Variants in THSD7B observed in about 807,000 individuals in gnomAD.
THSD7B encodes the protein thrombospondin type-1 domain-containing protein 7B.
Under a neutral mutation model 213.6 loss-of-function variants are expected in THSD7B, and 138 were observed. The ratio of observed to expected loss-of-function variants is 0.65; its 90% CI spans 0.56 to 0.74. The LOEUF is 0.74. Among genes scored for constraint, THSD7B ranks in the 30% least tolerant of loss-of-function variants. THSD7B has a pLI of 0.00. For synonymous variants in THSD7B, 742 were observed against 687.0 expected (o/e 1.08, Z -1.25); for missense variants, 1,931 against 1,991.5 (o/e 0.97, Z 0.58).
At chr2:137,637,648 A>G (rs550184799) in intron 20 of THSD7B, among the ~76,000 whole-genome samples, 2 of 152,000 alleles carry the variant, frequency 1.3e-5, no homozygotes, top group African/African-American at 4.8e-5. Flanking sequence ...ATTATTTTAA[A>G]AGTAATAGCA....
At chr2:136,930,566 G>A (rs1684610414) in intron 2 of THSD7B, among the ~76,000 whole-genome samples, 1 of 152,168 alleles carries the variant, frequency 6.6e-6, no homozygotes, top group African/African-American at 2.4e-5. Flanking sequence ...AGATGAATCT[G>A]AAAGTGGTAC....
At chr2:137,255,460 G>A (rs1682285222) in intron 10 of THSD7B, among the ~76,000 whole-genome samples, 1 of 152,018 alleles carries the variant, frequency 6.6e-6, no homozygotes, top group African/African-American at 2.4e-5. Context: ...AGAGAGTCAA[G>A]GCACAAGAAC....
chr2:137,361,947 T>A (rs890056625), intron 12 of THSD7B, among the ~76,000 whole-genome samples: 3 of 151,798 alleles, frequency 2.0e-5, no homozygotes, highest in Admixed American at 6.6e-5. Context: ...TCACCAAGGT[T>A]GAAATGAAGG....
chr2:137,262,930 A>C (rs1197475780), intron 10 of THSD7B, among the ~76,000 whole-genome samples: 1 of 152,140 alleles, frequency 6.6e-6, no homozygotes, highest in African/African-American at 2.4e-5. Flanking sequence ...ACACAATGAG[A>C]TCAGCTATGG....
chr2:137,385,837 G>A (rs188716799), intron 12 of THSD7B, among the ~76,000 whole-genome samples: 192 of 152,280 alleles, frequency 1.3e-3, no homozygotes, highest in African/African-American at 4.1e-3. Flanking sequence ...CATTATGAAG[G>A]TGTATTTGTG....
intron 15 of THSD7B, among the ~76,000 whole-genome samples, chr2:137,532,715 G>A (rs1336734750): frequency 6.6e-6 from 1 of 151,540 alleles, no homozygotes; most frequent in African/African-American, 2.4e-5. Flanking sequence ...TTCTTTCTCT[G>A]TTGTAATCTG....
In THSD7B at chr2:137,129,284, C is replaced by G. The variant is rs897273212; in HGVS notation, c.1369+13991C>G. Among the ~76,000 whole-genome samples the G allele has an allele frequency of 2.0e-5, 3 of 152,154 alleles. No homozygotes were observed. The East Asian group carries it at 5.8e-4, about 29-fold the overall frequency. Reference sequence around the variant, plus strand: ...CTTATTAAGACTTTTCTCTAGATTTCTTTTTTCTCATTAGTAGAGGGGTAA... The same window carrying G: ...CTTATTAAGACTTTTCTCTAGATTTGTTTTTTCTCATTAGTAGAGGGGTAA... On this transcript the variant is annotated intron_variant, in intron 5 of 27. Transcript: ENST00000409968.
chr2:137,173,764 G>C (rs1344396627), intron 7 of THSD7B, among the ~76,000 whole-genome samples: 1 of 152,134 alleles, frequency 6.6e-6, no homozygotes, highest in East Asian at 1.9e-4. Flanking sequence ...CACTTTTTGT[G>C]GTTCAGCTTC....
intron 1 of THSD7B, among the ~76,000 whole-genome samples, chr2:136,781,431 AT>A (rs1011794347): frequency 4.2e-4 from 59 of 140,710 alleles, no homozygotes; most frequent in South Asian, 1.2e-3. Flanking sequence ...TGCCCGGCTA[AT>A]TTTTTTTTTT....
chr2:137,209,395 T>G (rs1322616238), intron 7 of THSD7B, among the ~76,000 whole-genome samples: 6 of 152,090 alleles, frequency 3.9e-5, no homozygotes. Context: ...GACAAATAAA[T>G]GTATTAATAA....
In THSD7B at chr2:137,676,872, A is replaced by C. The variant is rs2104836390; in HGVS notation, c.*267A>C. ...TGAAAACCCTTCTCTTCCTGTTTGGAACTGGGAGGAAGAAAACATGATGGA... is the reference window on the plus strand; with the variant it reads ...TGAAAACCCTTCTCTTCCTGTTTGGCACTGGGAGGAAGAAAACATGATGGA... On this transcript the variant is annotated 3_prime_UTR_variant, in exon 28 of 28. Transcript: ENST00000409968. 1 of 297,910 alleles carries C rather than the reference A, an allele frequency of 3.4e-6. No homozygotes were observed. The highest frequency in any genetic ancestry group is 6.1e-6 in the Non-Finnish European group (1 of 163,428). 18.5% of individuals were successfully genotyped at this position (297,910 alleles called of 1,614,324 possible).
intron 15 of THSD7B, 75 bp from the exon 16 acceptor site, chr2:137,563,146 A>T (rs1681157052): frequency 6.7e-7 from 1 of 1,500,960 alleles, no homozygotes; most frequent in Admixed American, 1.9e-5. Context: ...TTCAGCAAGC[A>T]TTACTAAAAG....
At chr2:137,572,887 A>C (rs1035366252) in intron 17 of THSD7B, among the ~76,000 whole-genome samples, 11 of 152,038 alleles carry the variant, frequency 7.2e-5, no homozygotes, top group African/African-American at 2.7e-4. Flanking sequence ...CTTATAATAT[A>C]TCTTGGTCCT....
rs565470716 is a variant in THSD7B at position 137,418,792 on chromosome 2, CCTT to C, written c.2959+6923_2959+6925del. Among the ~76,000 whole-genome samples the C allele has an allele frequency of 5.5e-4, 83 of 152,220 alleles. 1 individual carries two copies. The highest frequency in any genetic ancestry group is 2.5e-3 in the South Asian group (12 of 4,828). ...ATAAGTGAGGACATGTGATATTTGT[CCTT>C]CTATGCTTGGCTAATTTCACTCAAC... On this transcript the variant is annotated intron_variant, in intron 14 of 27. Coordinates refer to ENST00000409968, the MANE Select transcript of THSD7B (RefSeq NM_001316349.2).
At chr2:137,267,503 C>A (rs907316639) in intron 10 of THSD7B, among the ~76,000 whole-genome samples, 3 of 151,688 alleles carry the variant, frequency 2.0e-5, no homozygotes, top group African/African-American at 4.8e-5. Context: ...TACCTCCCCC[C>A]CAAATCCCCC....
chr2:137,587,004 G>A (rs1041992246), intron 17 of THSD7B, among the ~76,000 whole-genome samples: 3 of 152,140 alleles, frequency 2.0e-5, no homozygotes, highest in Non-Finnish European at 2.9e-5. Context: ...TTTTCACATA[G>A]TCCCATATTT....
At chr2:137,597,349 G>C (rs1681981788) in intron 17 of THSD7B, among the ~76,000 whole-genome samples, 1 of 151,852 alleles carries the variant, frequency 6.6e-6, no homozygotes, top group South Asian at 2.1e-4. Flanking sequence ...ATCTTCTAGT[G>C]CTTGGAAATA....
intron 4 of THSD7B, among the ~76,000 whole-genome samples, chr2:137,100,578 G>T (rs1444322959): frequency 6.6e-6 from 1 of 151,980 alleles, no homozygotes; most frequent in Non-Finnish European, 1.5e-5. Flanking sequence ...TTGTTTGTTT[G>T]TTTCCTTTTC....
intron 12 of THSD7B, among the ~76,000 whole-genome samples, chr2:137,369,052 CACTT>C (rs950825247): frequency 1.5e-5 from 2 of 135,370 alleles, no homozygotes; most frequent in Non-Finnish European, 3.0e-5. Flanking sequence ...ACACCCAAGC[CACTT>C]ACTTTTTTGA....
Sources: gnomAD v4.1 joint callset for allele counts (sites outside exome capture counted in the v4.1 genomes callset) on GRCh38, gnomAD v4.1.1 for gene constraint, MANE v1.5 for transcripts, NCBI Gene and HGNC (gene_info 2026-07-23, HGNC 2026-07-21) for gene names.